Variants in CACNA1I observed in about 807,000 individuals in gnomAD.
The protein encoded by CACNA1I is calcium voltage-gated channel subunit alpha1 I, also known as voltage-dependent T-type calcium channel subunit alpha-1I.
CACNA1I carries 74 observed loss-of-function variants against 201.6 expected under a neutral mutation model. That is an observed-to-expected ratio of 0.37 (90% CI 0.30 to 0.45). The LOEUF is 0.45. CACNA1I is among the 20% of genes least tolerant of loss of function. The pLI, the probability that CACNA1I is intolerant of heterozygous loss-of-function variation, is 1.00. For missense variants in CACNA1I, 2,346 were observed against 3,138.1 expected, an observed-to-expected ratio of 0.75 and a Z score of 6.03; for synonymous variants, 1,431 against 1,345.2, an observed-to-expected ratio of 1.06 and a Z score of -1.40.
Position 39,665,025 on chromosome 22 carries a change from C to A in CACNA1I, c.3851+102C>A. ...ACTCCGCCCTCCCCGCCCGCCCACT[C>A]GGTCCTCCAATAGTGAGTGCCAAAC... On this transcript the variant is annotated intron_variant, in intron 21 of 36. Coordinates refer to ENST00000402142, the MANE Select transcript of CACNA1I (RefSeq NM_021096.4). This position sits in a 1 kb window ranked among gnomAD's most constrained non-coding sequence, Gnocchi z 5.5. 4 of 1,102,556 alleles carry A rather than the reference C, an allele frequency of 3.6e-6. No homozygotes were observed. The highest frequency in any genetic ancestry group is 5.2e-6 in the Non-Finnish European group (4 of 764,834). The allele number at this position is 1,102,556 out of a possible 1,614,324, so 68.3% of individuals were successfully genotyped here.
intron 3 of CACNA1I, among the ~76,000 whole-genome samples, chr22:39,618,946 T>C (rs115213946): frequency 0.01 from 1,561 of 152,230 alleles, 32 homozygotes; most frequent in African/African-American, 0.035. Context: ...GTGCAGGAGA[T>C]GTTCCTCCCA....
intron 1 of CACNA1I, among the ~76,000 whole-genome samples, chr22:39,577,582 G>A (rs566164712): frequency 6.6e-6 from 1 of 152,268 alleles, no homozygotes; most frequent in African/African-American, 2.4e-5. Flanking sequence ...CATTTCCTGA[G>A]TGTGAGCTGT....
intron 3 of CACNA1I, among the ~76,000 whole-genome samples, chr22:39,606,296 A>G (rs1199014369): frequency 6.6e-6 from 1 of 152,120 alleles, no homozygotes; most frequent in African/African-American, 2.4e-5. Context: ...GGTCTCTCCC[A>G]CCCTGGAACT....
Position 39,686,133 on chromosome 22 carries a change from T to C in CACNA1I, c.6400T>C (p.Ser2134Pro). Residue 2134 changes from serine (S) to proline (P), a missense_variant, in exon 37 of 37, where the codon TCC (serine) becomes CCC (proline). Coordinates refer to ENST00000402142, the MANE Select transcript of CACNA1I (RefSeq NM_021096.4). ...GACCCTCAGCAGCCTCTCGCTCACCTCCCTCTTCTGCCCGCCGCCCCCGCC... is the reference window on the plus strand; with the variant it reads ...GACCCTCAGCAGCCTCTCGCTCACCCCCCTCTTCTGCCCGCCGCCCCCGCC... The part of the protein sequence containing the change: ...SETLSSLSLT[S>P]LFCPPPPPPA... 8.7e-7 allele frequency: 1 copy of C among 1,152,366 alleles called. No homozygotes were observed. Among genetic ancestry groups the C allele is most frequent in the Non-Finnish European group, 1.1e-6 (1 of 933,556 alleles). 71.4% of individuals were successfully genotyped at this position (1,152,366 alleles called of 1,614,324 possible).
At chr22:39,580,064 T>G (rs539290250) in intron 1 of CACNA1I, among the ~76,000 whole-genome samples, 1 of 152,068 alleles carries the variant, frequency 6.6e-6, no homozygotes, top group Admixed American at 6.5e-5. Flanking sequence ...CCCAAACACC[T>G]CCCTCTAGGC....
chr22:39,685,974 C>T lies in CACNA1I; in HGVS notation c.6241C>T (p.Arg2081Trp), dbSNP rs1282245039. ...GGGCCTCTTCAGCCTGCGGGGGCTG[C>T]GGGCGCATCAGCGCAGCCACAGCAG... ...GRGLFSLRGL[R>W]AHQRSHSSGG... Residue 2081 changes from arginine (R) to tryptophan (W), a missense_variant, in exon 37 of 37, where the codon CGG (arginine) becomes TGG (tryptophan). Physicochemically the swap from Arg to Trp is moderately radical, Grantham distance 101. This residue lies in a region of CACNA1I where 441 missense variants were observed against 555.6 expected (regional missense o/e 0.79). Transcript: ENST00000402142. This position sits in a 1 kb window ranked among gnomAD's most constrained non-coding sequence, Gnocchi z 5.0. 1 of 1,255,446 alleles carries T rather than the reference C, an allele frequency of 8.0e-7. No individual in the cohort carries two copies. The allele number at this position is 1,255,446 out of a possible 1,614,324, so 77.8% of individuals were successfully genotyped here.
At chr22:39,635,328 G>A (rs1934181143) in intron 5 of CACNA1I, among the ~76,000 whole-genome samples, 1 of 151,634 alleles carries the variant, frequency 6.6e-6, no homozygotes, top group Non-Finnish European at 1.5e-5. Context: ...CGGGGCTCAG[G>A]ATGCGGCAGA....
At chr22:39,652,735 T>C (rs1934685992) in intron 10 of CACNA1I, among the ~76,000 whole-genome samples, 1 of 152,106 alleles carries the variant, frequency 6.6e-6, no homozygotes, top group South Asian at 2.1e-4. Flanking sequence ...TGGGACCCCG[T>C]CTCTGCAAAA....
intron 5 of CACNA1I, among the ~76,000 whole-genome samples, chr22:39,636,780 G>T (rs1423164176): frequency 6.6e-6 from 1 of 152,232 alleles, no homozygotes; most frequent in African/African-American, 2.4e-5. Flanking sequence ...ATTCCTCAAA[G>T]TCCTCTTTTC....
At chr22:39,625,576 A>G (rs889471830) in intron 4 of CACNA1I, among the ~76,000 whole-genome samples, 2 of 152,214 alleles carry the variant, frequency 1.3e-5, no homozygotes, top group Non-Finnish European at 2.9e-5. Context: ...GGGGACATGG[A>G]CATCATGGTG....
intron 10 of CACNA1I, among the ~76,000 whole-genome samples, chr22:39,655,566 C>T (rs1014678591): frequency 3.9e-5 from 6 of 152,194 alleles, no homozygotes; most frequent in Non-Finnish European, 7.3e-5. Flanking sequence ...GTCACTGCTT[C>T]GTTGTCCTGG....
intron 4 of CACNA1I, among the ~76,000 whole-genome samples, chr22:39,630,075 G>A (rs948461728): frequency 8.6e-5 from 13 of 151,944 alleles, no homozygotes; most frequent in Non-Finnish European, 1.8e-4. Flanking sequence ...ACTCCCTCCC[G>A]CCTCTAGGCC....
chr22:39,672,845 C>A, intron 27 of CACNA1I, 104 bp from the exon 28 acceptor site: 2 of 1,309,708 alleles, frequency 1.5e-6, no homozygotes, highest in Non-Finnish European at 2.1e-6. Flanking sequence ...TAATGGGCCA[C>A]AATAGAAGGG....
At chr22:39,613,329 G>A (rs1933434636) in intron 3 of CACNA1I, among the ~76,000 whole-genome samples, 1 of 152,190 alleles carries the variant, frequency 6.6e-6, no homozygotes, top group African/African-American at 2.4e-5. Context: ...GAGGAACAGG[G>A]ACAGGTGCCC....
Position 39,598,253 on chromosome 22 carries a change from G to T in CACNA1I, c.339G>T (p.Lys113Asn), listed in dbSNP as rs1473380803. 6.9e-6 allele frequency: 11 copies of T among 1,588,376 alleles called. No individual in the cohort carries two copies. The highest frequency in any genetic ancestry group is 4.5e-5 in the East Asian group (2 of 44,038). The change falls in exon 2 of 37, where the codon AAG (lysine) becomes AAT (asparagine). Residue 113 changes from lysine (K) to asparagine (N), a missense_variant. By Grantham distance (94) the Lys-to-Asn change is moderately conservative. Coordinates refer to ENST00000402142, the MANE Select transcript of CACNA1I (RefSeq NM_021096.4). ...TGGACTGCCTGTCCGACCGCTGCAA[G>T]ATCCTGCAGGTGAGCCGGCCGCCCC... is the stretch of plus-strand genomic sequence containing the variant. Reference protein sequence around the residue: ...DDMDCLSDRCKILQVFDDFIF... With the variant: ...DDMDCLSDRCNILQVFDDFIF...
chr22:39,595,206 C>G (rs1165760322), intron 1 of CACNA1I, among the ~76,000 whole-genome samples: 5 of 151,108 alleles, frequency 3.3e-5, no homozygotes, highest in African/African-American at 9.7e-5. Context: ...AGGGAATTGC[C>G]TGAACCTGGG....
Position 39,686,328 on chromosome 22 carries a change from G to T in CACNA1I, c.6595G>T (p.Gly2199Cys). 7.6e-7 allele frequency: 1 copy of T among 1,313,906 alleles called. No individual in the cohort carries two copies. Among genetic ancestry groups the T allele is most frequent in the South Asian group, 2.0e-5 (1 of 51,036 alleles). The allele number at this position is 1,313,906 out of a possible 1,614,324, so 81.4% of individuals were successfully genotyped here. The change falls in exon 37 of 37, where the codon GGC becomes TGC. Residue 2199 changes from glycine (G) to cysteine (C), a missense_variant. Physicochemically the swap from Gly to Cys is radical, Grantham distance 159 (BLOSUM62 -3). Coordinates refer to ENST00000402142, the MANE Select transcript of CACNA1I (RefSeq NM_021096.4). ...CCGGGCACCGCTGCCCATGGGCCTG[G>T]GCCCCTTGGCGCCCCCGCCGCAACC... is the stretch of plus-strand genomic sequence containing the variant. ...PGRAPLPMGL[G>C]PLAPPPQPLP...
chr22:39,570,841 G>GC lies in CACNA1I; in HGVS notation c.95dup (p.Ser33IlefsTer14), dbSNP rs1932157132. 1 of 1,613,520 alleles carries GC rather than the reference G, an allele frequency of 6.2e-7. No individual in the cohort carries two copies. The highest frequency in any genetic ancestry group is 8.5e-7 in the Non-Finnish European group (1 of 1,179,722). On this transcript the variant is annotated frameshift_variant, in exon 1 of 37. Coordinates refer to ENST00000402142, the MANE Select transcript of CACNA1I (RefSeq NM_021096.4). LOFTEE classifies it high-confidence loss of function. Reference sequence around the variant, plus strand: ...ACCACGGAGCAGCCCGGACCCCGGAGCCCCCCATCCTCCCCGCCAGGCCTG... The same window carrying GC: ...ACCACGGAGCAGCCCGGACCCCGGAGCCCCCCCATCCTCCCCGCCAGGCCTG...
chr22:39,602,112 C>G (rs933310779), intron 3 of CACNA1I, among the ~76,000 whole-genome samples: 1 of 118,028 alleles, frequency 8.5e-6, no homozygotes, highest in Non-Finnish European at 1.7e-5. Context: ...TCACTCTGTA[C>G]CTAGGTTGGA....
Sources: allele counts gnomAD v4.1 joint callset (sites outside exome capture counted in the v4.1 genomes callset), GRCh38; gene constraint gnomAD v4.1.1; regional missense constraint gnomAD v4.1.1; non-coding constraint Gnocchi (gnomAD v3.1); transcripts MANE v1.5; gene names NCBI Gene and HGNC (gene_info 2026-07-23, HGNC 2026-07-21).